CARS1: variants seen among roughly 807,000 people sequenced by gnomAD.
CARS1 encodes cysteine--tRNA ligase, cytoplasmic.
In CARS1, 48 loss-of-function variants were observed where a neutral mutation model predicts 106.2. The ratio of observed to expected loss-of-function variants is 0.45; its 90% CI spans 0.36 to 0.57. The LOEUF (loss-of-function observed/expected upper bound fraction) is 0.57, where lower values mean the gene tolerates loss of function less well. Ranked by LOEUF, CARS1 falls within the 20% of genes least tolerant of loss-of-function variation. The probability of loss-of-function intolerance (pLI) is 0.00; values close to 1 mark genes in which losing one functional copy is unlikely to be tolerated. For missense variants in CARS1, 968 were observed against 1,057.2 expected, an observed-to-expected ratio of 0.92 and a Z score of 1.17; for synonymous variants, 409 against 403.4, an observed-to-expected ratio of 1.01 and a Z score of -0.17.
chr11:3,040,138 A>G lies in CARS1; in HGVS notation c.456-207T>C. The G allele has an allele frequency of 2.0e-6, 1 of 501,918 alleles. No homozygotes were observed. The highest frequency in any genetic ancestry group is 3.5e-6 in the Non-Finnish European group (1 of 286,680). 31.1% of individuals were successfully genotyped at this position (501,918 alleles called of 1,614,324 possible). On this transcript the variant is annotated intron_variant, in intron 4 of 22. Transcript: ENST00000380525. This position sits in a 1 kb window ranked among gnomAD's most constrained non-coding sequence, Gnocchi z 5.8. ...CTTTATAATGATCCACTTCCACCTA[A>G]TGAATAGTAAATATATTGCCTCTCC...
chr11:3,008,295 AC>A lies in CARS1; in HGVS notation c.2069-1337del, dbSNP rs1442662190. 5 of 152,196 alleles carry A rather than the reference AC, an allele frequency of 3.3e-5. No individual in the cohort carries two copies. The highest frequency in any genetic ancestry group is 2.4e-5 in the African/African-American group (1 of 41,396). 9.4% of individuals were successfully genotyped at this position (152,196 alleles called of 1,614,324 possible). A position where few individuals can be genotyped will look rare whatever the true frequency, so the allele number is the denominator to read the frequency against. On this transcript the variant is annotated intron_variant, in intron 18 of 22. Transcript: ENST00000380525. The surrounding 1 kb of genome is among the most constrained non-coding windows in gnomAD (Gnocchi z 5.1). ...AGACCCCTAGAGCTCCTTGCTGGGC[AC>A]CCCACACCTTCATTCACTGCTAGAT...
At position 3,039,243 on chromosome 11, in the gene CARS1, T is replaced by A. The variant is rs534095001; in HGVS notation, c.602A>T (p.Lys201Met). ...QNHLFEQYRE[K>M]RPEAAQLLED... ...CAAGAGCTGTGCCGCTTCAGGCCTC[T>A]TCTCCCGATACTGCTCGAACAGGTG... The change falls in exon 6 of 23, where the codon AAG (lysine) becomes ATG (methionine). Residue 201 changes from lysine (K) to methionine (M), a missense_variant. Coordinates refer to ENST00000380525, the MANE Select transcript of CARS1 (RefSeq NM_001014437.3). This position sits in a 1 kb window ranked among gnomAD's most constrained non-coding sequence, Gnocchi z 5.6. 90 of 1,613,828 alleles carry A rather than the reference T, an allele frequency of 5.6e-5. No homozygotes were observed.
Position 3,029,553 on chromosome 11 carries a change from T to C in CARS1, c.802-110A>G. The C allele has an allele frequency of 1.6e-6, 2 of 1,255,414 alleles. No individual in the cohort carries two copies. Among genetic ancestry groups the C allele is most frequent in the Admixed American group, 2.2e-5 (1 of 44,974 alleles). 77.8% of individuals were successfully genotyped at this position (1,255,414 alleles called of 1,614,324 possible). A position where few individuals can be genotyped will look rare whatever the true frequency, so the allele number is the denominator to read the frequency against. ...GCCCTGAATTCAAAGGTGCTGACCT[T>C]GACCTGTGAAGAGCCACCGTCTCCT... is the stretch of plus-strand genomic sequence containing the variant. On this transcript the variant is annotated intron_variant, in intron 7 of 22. Coordinates refer to ENST00000380525, the MANE Select transcript of CARS1 (RefSeq NM_001014437.3). The surrounding 1 kb of genome is among the most constrained non-coding windows in gnomAD (Gnocchi z 5.9).
chr11:3,046,584 G>A lies in CARS1; in HGVS notation c.274+1169C>T, dbSNP rs1855105427. Among the ~76,000 whole-genome samples the A allele has an allele frequency of 6.6e-6, 1 of 152,214 alleles. No individual in the cohort carries two copies. Among genetic ancestry groups the A allele is most frequent in the South Asian group, 2.1e-4 (1 of 4,836 alleles). On this transcript the variant is annotated intron_variant, in intron 2 of 22. Transcript: ENST00000380525. This position sits in a 1 kb window ranked among gnomAD's most constrained non-coding sequence, Gnocchi z 5.8. ...AGGAGATGTGACATCCCCACCTCCAGCCTGGTTAAAACAGTGATCTAGCAG... is the reference window on the plus strand; with the variant it reads ...AGGAGATGTGACATCCCCACCTCCAACCTGGTTAAAACAGTGATCTAGCAG...
chr11:3,012,349 T>G, intron 17 of CARS1, 73 bp from the exon 18 acceptor site: 1 of 1,317,430 alleles, frequency 7.6e-7, no homozygotes, highest in Non-Finnish European at 1.1e-6. Flanking sequence ...AATAGCTCAG[T>G]GGCCGCGACA....
At position 3,044,358 on chromosome 11, in the gene CARS1, C is replaced by A. The variant is rs984684424; in HGVS notation, c.275-2102G>T. Among the ~76,000 whole-genome samples the A allele has an allele frequency of 1.3e-5, 2 of 152,088 alleles. No individual in the cohort carries two copies. The highest frequency in any genetic ancestry group is 1.5e-5 in the Non-Finnish European group (1 of 68,006). On this transcript the variant is annotated intron_variant, in intron 2 of 22. Coordinates refer to ENST00000380525, the MANE Select transcript of CARS1 (RefSeq NM_001014437.3). This position sits in a 1 kb window ranked among gnomAD's most constrained non-coding sequence, Gnocchi z 4.4. ...AAACGGGTTACCAGGCCCAGATATA[C>A]AAATTCAGATTTGCAAAAGGGAAGA... is the stretch of plus-strand genomic sequence containing the variant.
At position 3,041,058 on chromosome 11, in the gene CARS1, C is replaced by T; in HGVS notation, c.367-74G>A. On this transcript the variant is annotated intron_variant, in intron 3 of 22. Coordinates refer to ENST00000380525, the MANE Select transcript of CARS1 (RefSeq NM_001014437.3). This position sits in a 1 kb window ranked among gnomAD's most constrained non-coding sequence, Gnocchi z 4.9. ...TGCACAGGATTACCAAAAACAGCAA[C>T]AAACATCACAGTGTGGTTTGTGTTT... The T allele has an allele frequency of 6.2e-7, 1 of 1,610,796 alleles. No homozygotes were observed. The highest frequency in any genetic ancestry group is 8.5e-7 in the Non-Finnish European group (1 of 1,178,092).
At position 3,034,778 on chromosome 11, in the gene CARS1, C is replaced by A. The variant is rs1172015249; in HGVS notation, c.801+3272G>T. Among the ~76,000 whole-genome samples the A allele has an allele frequency of 1.3e-5, 2 of 152,160 alleles. No individual in the cohort carries two copies. The highest frequency in any genetic ancestry group is 4.8e-5 in the African/African-American group (2 of 41,414). ...CTCGATCTCCTGACCTCGTGATCTG[C>A]CCACCTCAGCCTCCCAAAGTGCTGG... On this transcript the variant is annotated intron_variant, in intron 7 of 22. Transcript: ENST00000380525. This position sits in a 1 kb window ranked among gnomAD's most constrained non-coding sequence, Gnocchi z 6.3.
At position 3,001,148 on chromosome 11, in the gene CARS1, T is replaced by C. The variant is rs1188613546; in HGVS notation, c.2462A>G (p.Tyr821Cys). The change falls in exon 23 of 23, where the codon TAT becomes TGT. Residue 821 changes from tyrosine (Y) to cysteine (C), a missense_variant. Transcript: ENST00000380525. The part of the protein sequence containing the change: ...FEAQEKLYKE[Y>C]LQMAQNGSFQ ...GCTTCCATTCTGGGCCATCTGCAGA[T>C]ATTCCTTGTAGAGCTTCTCCTGAGC... 1 of 1,614,140 alleles carries C rather than the reference T, an allele frequency of 6.2e-7. No homozygotes were observed. The highest frequency in any genetic ancestry group is 2.2e-5 in the East Asian group (1 of 44,870).
rs1471335559 is a variant in CARS1, at chr11:3,015,842, C to G, written c.1925G>C (p.Gly642Ala). The change falls in exon 17 of 23, where the codon GGG becomes GCG. Residue 642 changes from glycine to alanine, a missense_variant. Physicochemically the swap from Gly to Ala is moderately conservative, Grantham distance 60. Transcript: ENST00000380525. The stretch of plus-strand genomic sequence containing the variant: ...CAGGGAGCTGTCCTCTTCTACGGCC[C>G]CAAAGATCTAGGAAAAGAAACAGAT... ...LYLTHMLKIF[G>A]AVEEDSSLGF... is the part of the protein sequence containing the mutation. The G allele has an allele frequency of 6.2e-7, 1 of 1,614,046 alleles. No individual in the cohort carries two copies. Among genetic ancestry groups the G allele is most frequent in the South Asian group, 1.1e-5 (1 of 91,074 alleles).
At chr11:3,042,042 T>C (rs1054554764) in intron 3 of CARS1, 123 bp downstream of exon 3, 21 of 659,572 alleles carry the variant, frequency 3.2e-5, no homozygotes, top group Non-Finnish European at 1.5e-5. Context: ...AAACCTGGAT[T>C]TATGGAACTC....
chr11:3,020,258 TAG>T lies in CARS1; in HGVS notation c.1226_1227del (p.Ser409Ter). 6.2e-7 allele frequency: 1 copy of T among 1,613,756 alleles called. No homozygotes were observed. Among genetic ancestry groups the T allele is most frequent in the Non-Finnish European group, 8.5e-7 (1 of 1,179,626 alleles). The stretch of plus-strand genomic sequence containing the variant: ...CACGGCCAGGACGGTTCTCCGGGCT[TAG>T]AGGCCTTCCATAAGGCAAAGTCGTT... The part of the protein sequence containing the change: ...SPNDFALWKA[S>X]KPGEPSWPCP... On this transcript the variant is annotated frameshift_variant, in exon 11 of 23. Coordinates refer to ENST00000380525, the MANE Select transcript of CARS1 (RefSeq NM_001014437.3). LOFTEE classifies it high-confidence loss of function. This position sits in a 1 kb window ranked among gnomAD's most constrained non-coding sequence, Gnocchi z 4.6.
chr11:3,029,735 T>C lies in CARS1; in HGVS notation c.802-292A>G, dbSNP rs401707. 0.4 allele frequency: 175,963 copies of C among 444,992 alleles called. 36,090 individuals carry two copies. The highest frequency in any genetic ancestry group is 0.45 in the African/African-American group (23,080 of 50,984). 27.6% of individuals were successfully genotyped at this position (444,992 alleles called of 1,614,324 possible). Reference sequence around the variant, plus strand: ...AGGGCCGAGGTGGGCCTGGTGAGCATGTGCAGCCTACCTGGGCCGTGCAGG... The same window carrying C: ...AGGGCCGAGGTGGGCCTGGTGAGCACGTGCAGCCTACCTGGGCCGTGCAGG... On this transcript the variant is annotated intron_variant, in intron 7 of 22. Coordinates refer to ENST00000380525, the MANE Select transcript of CARS1 (RefSeq NM_001014437.3). The surrounding 1 kb of genome is among the most constrained non-coding windows in gnomAD (Gnocchi z 5.9).
rs760783915 is a variant in CARS1 at position 3,022,823 on chromosome 11, C to A, written c.1154-2491G>T. ...GTGAGGAGCTGTCATCATCTAGGACCACTTGGGCCCCAGCATCACCCCTCC... is the reference window on the plus strand; with the variant it reads ...GTGAGGAGCTGTCATCATCTAGGACAACTTGGGCCCCAGCATCACCCCTCC... On this transcript the variant is annotated intron_variant, in intron 10 of 22. Transcript: ENST00000380525. The surrounding 1 kb of genome is among the most constrained non-coding windows in gnomAD (Gnocchi z 4.9). Among the ~76,000 whole-genome samples, 3 of 152,104 alleles carry A rather than the reference C, an allele frequency of 2.0e-5. No homozygotes were observed. The highest frequency in any genetic ancestry group is 4.4e-5 in the Non-Finnish European group (3 of 68,020).
chr11:3,055,192 G>GCT (rs1564802233), intron 1 of CARS1, among the ~76,000 whole-genome samples: 1 of 151,776 alleles, frequency 6.6e-6, no homozygotes, highest in African/African-American at 2.4e-5. Context: ...ACGGAGTCTC[G>GCT]CTCTGTCGCC....
rs893225219 is a variant in CARS1, at chr11:3,034,418, G to C, written c.801+3632C>G. Among the ~76,000 whole-genome samples, 6 of 151,962 alleles carry C rather than the reference G, an allele frequency of 3.9e-5. No individual in the cohort carries two copies. Among genetic ancestry groups the C allele is most frequent in the Non-Finnish European group, 7.4e-5 (5 of 67,996 alleles). On this transcript the variant is annotated intron_variant, in intron 7 of 22. Transcript: ENST00000380525. This position sits in a 1 kb window ranked among gnomAD's most constrained non-coding sequence, Gnocchi z 6.3. Reference sequence around the variant, plus strand: ...GTATTTTTAGTAGCAACGGGGTTTTGCCATGTTGGCCAGGCTGGTCTCAAA... The same window carrying C: ...GTATTTTTAGTAGCAACGGGGTTTTCCCATGTTGGCCAGGCTGGTCTCAAA...
rs1004001785 is a variant in CARS1 at position 3,040,040 on chromosome 11, C to T, written c.456-109G>A. The T allele has an allele frequency of 2.2e-5, 13 of 602,294 alleles. No homozygotes were observed. The highest frequency in any genetic ancestry group is 3.7e-5 in the Non-Finnish European group (13 of 348,118). 37.3% of individuals were successfully genotyped at this position (602,294 alleles called of 1,614,324 possible). ...GTGCATTTATATATGATTTTCTCTG[C>T]CATCCCTGAAACAGCAAGACCCCCC... On this transcript the variant is annotated intron_variant, in intron 4 of 22. Transcript: ENST00000380525. The surrounding 1 kb of genome is among the most constrained non-coding windows in gnomAD (Gnocchi z 5.8).
intron 17 of CARS1, among the ~76,000 whole-genome samples, chr11:3,013,409 C>A (rs999198058): frequency 1.7e-4 from 26 of 152,208 alleles, no homozygotes; most frequent in Non-Finnish European, 3.4e-4. Context: ...ACCTCAGCCT[C>A]CCAAAGTGCT....
chr11:3,056,825 T>C (rs2134338144), intron 1 of CARS1, among the ~76,000 whole-genome samples: 1 of 152,078 alleles, frequency 6.6e-6, no homozygotes, highest in East Asian at 1.9e-4. Context: ...GAAAGGCTGT[T>C]TGATGTAGGG....
Sources: allele counts gnomAD v4.1 joint callset (sites outside exome capture counted in the v4.1 genomes callset), GRCh38; gene constraint gnomAD v4.1.1; non-coding constraint Gnocchi (gnomAD v3.1); transcripts MANE v1.5; gene names NCBI Gene and HGNC (gene_info 2026-07-23, HGNC 2026-07-21).